KIAA1217: variants seen among roughly 807,000 people sequenced by gnomAD.
The protein encoded by KIAA1217 is sickle tail protein homolog.
A neutral mutation model predicts 163.9 loss-of-function variants in KIAA1217; 88 were observed. The observed-to-expected ratio is 0.54, with a 90% CI of 0.45 to 0.64. The LOEUF is 0.64. KIAA1217 is among the 30% of genes least tolerant of loss of function. KIAA1217 has a pLI of 0.00. For missense variants in KIAA1217, 2,372 were observed against 2,475.0 expected (o/e 0.96, Z 0.88); for synonymous variants, 903 against 923.1 (o/e 0.98, Z 0.39).
chr10:23,826,781 C>T (rs1470950006), intron 1 of KIAA1217, among the ~76,000 whole-genome samples: 1 of 152,184 alleles, frequency 6.6e-6, no homozygotes, highest in East Asian at 1.9e-4. Context: ...ATCATATTCT[C>T]GGTTACTATT....
At chr10:24,017,188 G>A (rs1221636971) in intron 2 of KIAA1217, among the ~76,000 whole-genome samples, 2 of 151,770 alleles carry the variant, frequency 1.3e-5, no homozygotes, top group African/African-American at 4.8e-5. Flanking sequence ...AAGTAGCTGG[G>A]ACTATAGGCA....
intron 6 of KIAA1217, among the ~76,000 whole-genome samples, chr10:24,474,734 C>G (rs1228603282): frequency 3.3e-5 from 5 of 152,200 alleles, no homozygotes; most frequent in Admixed American, 3.3e-4. Context: ...GCTTCCTACT[C>G]TATCTTGAAA....
chr10:23,995,055 A>C (rs184762394), intron 1 of KIAA1217, among the ~76,000 whole-genome samples: 12 of 152,334 alleles, frequency 7.9e-5, no homozygotes, highest in Non-Finnish European at 1.5e-4. Flanking sequence ...TGTTATTAAA[A>C]TTTAAAAGAG....
At chr10:24,261,777 A>T (rs2075753109) in intron 2 of KIAA1217, among the ~76,000 whole-genome samples, 1 of 152,184 alleles carries the variant, frequency 6.6e-6, no homozygotes, top group South Asian at 2.1e-4. Context: ...GACTGGGAAG[A>T]GTTGTAGGTC....
intron 2 of KIAA1217, among the ~76,000 whole-genome samples, chr10:24,309,509 T>C (rs527503322): frequency 8.5e-5 from 13 of 152,298 alleles, no homozygotes; most frequent in African/African-American, 2.9e-4. Flanking sequence ...TTACTCAGTG[T>C]TCCCCTATTG....
chr10:24,260,828 T>C (rs1006879601), intron 2 of KIAA1217, among the ~76,000 whole-genome samples: 1 of 152,192 alleles, frequency 6.6e-6, no homozygotes, highest in African/African-American at 2.4e-5. Flanking sequence ...TTGTCTAGAC[T>C]TGACAGAATT....
chr10:24,454,965 T>C (rs952752502), intron 5 of KIAA1217, among the ~76,000 whole-genome samples: 5 of 152,218 alleles, frequency 3.3e-5, no homozygotes, highest in African/African-American at 7.2e-5. Context: ...TTTTACTGTA[T>C]ATATTTAGAC....
In KIAA1217 at chr10:24,219,690, A is replaced by C. The variant is rs2130850553; in HGVS notation, c.135A>C (p.Glu45Asp). 6.2e-7 allele frequency: 1 copy of C among 1,613,912 alleles called. No individual in the cohort carries two copies. Among genetic ancestry groups the C allele is most frequent in the Non-Finnish European group, 8.5e-7 (1 of 1,179,870 alleles). Reference protein sequence around the residue: ...PEDAECRRTKERLSNGNSRGS... With the variant: ...PEDAECRRTKDRLSNGNSRGS... ...ATGCAGAATGCCGCAGAACCAAGGAACGCCTTTCTAATGGAAACAGTCGTG... is the reference window on the plus strand; with the variant it reads ...ATGCAGAATGCCGCAGAACCAAGGACCGCCTTTCTAATGGAAACAGTCGTG... Residue 45 changes from glutamate to aspartate, a missense_variant, in exon 2 of 21, where the codon GAA (glutamate) becomes GAC (aspartate). Around this residue, in one of 3 missense-constraint regions of KIAA1217, gnomAD observed 1,431 missense variants for 1,470.3 expected, o/e 0.97. Coordinates refer to ENST00000376454, the MANE Select transcript of KIAA1217 (RefSeq NM_019590.5).
At chr10:23,909,709 CT>C in intron 1 of KIAA1217, among the ~76,000 whole-genome samples, 1 of 152,150 alleles carries the variant, frequency 6.6e-6, no homozygotes, top group Non-Finnish European at 1.5e-5. Flanking sequence ...AGCATTTGGG[CT>C]GGTTCCAAGT....
intron 2 of KIAA1217, among the ~76,000 whole-genome samples, chr10:24,044,756 T>C (rs1589283740): frequency 6.6e-6 from 1 of 152,282 alleles, no homozygotes; most frequent in African/African-American, 2.4e-5. Flanking sequence ...ATAAATCCTT[T>C]CATTACTAAG....
chr10:24,321,295 A>G (rs1401940752), intron 2 of KIAA1217, among the ~76,000 whole-genome samples: 5 of 152,120 alleles, frequency 3.3e-5, no homozygotes, highest in African/African-American at 9.7e-5. Context: ...GCACTATGAG[A>G]GGCTAAGGTG....
intron 1 of KIAA1217, among the ~76,000 whole-genome samples, chr10:23,977,064 A>G (rs117636580): frequency 6.6e-6 from 1 of 152,094 alleles, no homozygotes; most frequent in African/African-American, 2.4e-5. Context: ...TTTTTTATGT[A>G]TGTTTTACAT....
chr10:24,385,630 A>G (rs1343113915), intron 3 of KIAA1217, among the ~76,000 whole-genome samples: 1 of 152,070 alleles, frequency 6.6e-6, no homozygotes, highest in East Asian at 1.9e-4. Context: ...GGTTCCAACA[A>G]CCTATCGTGT....
At chr10:23,857,640 G>A (rs920624419) in intron 1 of KIAA1217, among the ~76,000 whole-genome samples, 3 of 152,112 alleles carry the variant, frequency 2.0e-5, no homozygotes, top group Non-Finnish European at 4.4e-5. Context: ...TATAATAAAC[G>A]GTTTGCACGC....
At chr10:23,850,893 A>C (rs1839277488) in intron 1 of KIAA1217, among the ~76,000 whole-genome samples, 3 of 152,044 alleles carry the variant, frequency 2.0e-5, no homozygotes, top group Non-Finnish European at 4.4e-5. Flanking sequence ...TGTGCTACAC[A>C]ATTTTAAACA....
intron 1 of KIAA1217, among the ~76,000 whole-genome samples, chr10:23,952,414 G>A (rs1247316379): frequency 1.9e-4 from 29 of 152,168 alleles, no homozygotes; most frequent in Admixed American, 1.8e-3. Context: ...AAGGTAGCCG[G>A]ATTTAATCTG....
At chr10:24,133,445 A>G (rs2063726738) in intron 2 of KIAA1217, among the ~76,000 whole-genome samples, 1 of 151,868 alleles carries the variant, frequency 6.6e-6, no homozygotes, top group South Asian at 2.1e-4. Context: ...AGTTGAGTGC[A>G]CCTGTAATCC....
chr10:24,384,055 C>G (rs1326813350), intron 3 of KIAA1217, among the ~76,000 whole-genome samples: 2 of 152,180 alleles, frequency 1.3e-5, no homozygotes, highest in African/African-American at 4.8e-5. Context: ...TCTACCAGCA[C>G]CTGGGTGGCC....
intron 1 of KIAA1217, among the ~76,000 whole-genome samples, chr10:23,728,274 CCCA>C (rs1178753164): frequency 3.3e-5 from 5 of 152,312 alleles, no homozygotes; most frequent in African/African-American, 1.2e-4. Context: ...AATTTACACT[CCCA>C]CCAATAGCGT....
Sources: gnomAD v4.1 joint callset for allele counts (sites outside exome capture counted in the v4.1 genomes callset) on GRCh38, gnomAD v4.1.1 for gene constraint, gnomAD v4.1.1 regional missense constraint, MANE v1.5 for transcripts, NCBI Gene and HGNC (gene_info 2026-07-23, HGNC 2026-07-21) for gene names.